The following RNASEH2B variants were observed in gnomAD, a reference collection of about 807,000 sequenced individuals.
RNASEH2B encodes Aicardi-Goutieres syndrome 2 protein.
Under a neutral mutation model 45.0 loss-of-function variants are expected in RNASEH2B, and 36 were observed. The ratio of observed to expected loss-of-function variants is 0.80; its 90% CI spans 0.61 to 1.06. RNASEH2B has a LOEUF of 1.06. RNASEH2B is among the 50% of genes least tolerant of loss of function. RNASEH2B has a pLI of 0.00. For synonymous variants in RNASEH2B, 119 were observed against 125.7 expected, an observed-to-expected ratio of 0.95 and a Z score of 0.35; for missense variants, 361 against 360.3, an observed-to-expected ratio of 1.00 and a Z score of -0.02.
At chr13:50,915,586 A>G (rs1442576001) in intron 1 of RNASEH2B, 1 of 397,664 alleles carries the variant, frequency 2.5e-6, no homozygotes, top group Non-Finnish European at 4.4e-6. Flanking sequence ...AGCTAGAGAG[A>G]GTCCAAGTGT....
Position 50,910,031 on chromosome 13 carries a change from A to G in RNASEH2B, c.-46A>G. ...CATTTTCGGCGGGGCTGGGAGACTG[A>G]GGCCCGCGGCGCTGAGCCTGCGGCG... On this transcript the variant is annotated 5_prime_UTR_variant, in exon 1 of 11. Transcript: ENST00000336617. 1 of 1,445,306 alleles carries G rather than the reference A, an allele frequency of 6.9e-7. No individual in the cohort carries two copies. The highest frequency in any genetic ancestry group is 1.3e-5 in the South Asian group (1 of 75,978). The allele number at this position is 1,445,306 out of a possible 1,614,324, so 89.5% of individuals were successfully genotyped here. A position where few individuals can be genotyped will look rare whatever the true frequency, so the allele number is the denominator to read the frequency against.
At chr13:50,937,823 A>C (rs550731838) in intron 5 of RNASEH2B, 1 of 152,366 alleles carries the variant, frequency 6.6e-6, no homozygotes, top group African/African-American at 2.4e-5. Context: ...TGGCAAACTT[A>C]AACAGCTAAC....
chr13:50,919,015 G>A (rs1242262546), intron 1 of RNASEH2B, among the ~76,000 whole-genome samples: 1 of 152,206 alleles, frequency 6.6e-6, no homozygotes, highest in African/African-American at 2.4e-5. Context: ...CCATGTAACA[G>A]TGGGTGTATG....
intron 1 of RNASEH2B, among the ~76,000 whole-genome samples, chr13:50,918,328 G>A (rs770360036): frequency 1.3e-5 from 2 of 152,078 alleles, no homozygotes; most frequent in African/African-American, 2.4e-5. Context: ...TAGTAGACAC[G>A]GGGTTTCACT....
chr13:50,947,954 T>G, intron 7 of RNASEH2B, 33 bp from the exon 8 acceptor site: 10 of 1,605,698 alleles, frequency 6.2e-6, no homozygotes, highest in Non-Finnish European at 8.5e-6. Flanking sequence ...TATTTTTTTT[T>G]TTTGCTTTCA....
At chr13:50,965,476 T>G (rs1457757777) in intron 9 of RNASEH2B, among the ~76,000 whole-genome samples, 1 of 152,212 alleles carries the variant, frequency 6.6e-6, no homozygotes, top group Non-Finnish European at 1.5e-5. Context: ...ACAGTAGACC[T>G]TCAACAGATG....
At chr13:50,919,353 C>T (rs1282514523) in intron 1 of RNASEH2B, among the ~76,000 whole-genome samples, 1 of 152,162 alleles carries the variant, frequency 6.6e-6, no homozygotes, top group Non-Finnish European at 1.5e-5. Context: ...TGCATTAATA[C>T]GTGCTGTGTA....
chr13:50,925,591 T>C (rs553745000), intron 1 of RNASEH2B, among the ~76,000 whole-genome samples: 1 of 152,318 alleles, frequency 6.6e-6, no homozygotes, highest in African/African-American at 2.4e-5. Flanking sequence ...AAGGACCCTT[T>C]TGAGTACTAT....
intron 1 of RNASEH2B, among the ~76,000 whole-genome samples, chr13:50,925,633 A>G (rs1371428078): frequency 6.6e-6 from 1 of 152,180 alleles, no homozygotes; most frequent in East Asian, 1.9e-4. Context: ...GAGGTTTTAC[A>G]GTCTGTCTGG....
chr13:50,919,112 C>T (rs547346638), intron 1 of RNASEH2B, among the ~76,000 whole-genome samples: 1 of 152,172 alleles, frequency 6.6e-6, no homozygotes, highest in Admixed American at 6.5e-5. Context: ...GAACAATTGG[C>T]AAAAATCACT....
chr13:50,927,597 TGAG>T (rs1951617740), intron 2 of RNASEH2B, 119 bp downstream of exon 2: 2 of 725,306 alleles, frequency 2.8e-6, no homozygotes, highest in Non-Finnish European at 2.5e-6. Context: ...GATGGCACCG[TGAG>T]GAGAAGAAAA....
rs1004925162 is a variant in RNASEH2B, at chr13:50,910,036, C to A, written c.-41C>A. On this transcript the variant is annotated 5_prime_UTR_variant, in exon 1 of 11. Transcript: ENST00000336617. Reference sequence around the variant, plus strand: ...TCGGCGGGGCTGGGAGACTGAGGCCCGCGGCGCTGAGCCTGCGGCGCCCCG... The same window carrying A: ...TCGGCGGGGCTGGGAGACTGAGGCCAGCGGCGCTGAGCCTGCGGCGCCCCG... The A allele has an allele frequency of 1.0e-5, 15 of 1,458,756 alleles. No individual in the cohort carries two copies. Among genetic ancestry groups the A allele is most frequent in the Non-Finnish European group, 1.3e-5 (14 of 1,106,178 alleles). 90.4% of individuals were successfully genotyped at this position (1,458,756 alleles called of 1,614,324 possible).
chr13:50,920,219 A>G (rs1450427764), intron 1 of RNASEH2B, among the ~76,000 whole-genome samples: 1 of 151,916 alleles, frequency 6.6e-6, no homozygotes, highest in Non-Finnish European at 1.5e-5. Context: ...TAATTTTTGT[A>G]TTTTTAGTAG....
intron 9 of RNASEH2B, chr13:50,950,111 T>G (rs957606529): frequency 4.6e-5 from 7 of 152,600 alleles, no homozygotes; most frequent in African/African-American, 1.7e-4. Flanking sequence ...CACACCTGAC[T>G]GCAAATTGCA....
chr13:50,935,211 G>A (rs1405683955), intron 5 of RNASEH2B: 3 of 564,182 alleles, frequency 5.3e-6, no homozygotes, highest in East Asian at 6.0e-5. Flanking sequence ...TAGGGCCTAC[G>A]TCCACAGGGC....
intron 9 of RNASEH2B, among the ~76,000 whole-genome samples, chr13:50,965,605 C>A (rs1952157573): frequency 6.6e-6 from 1 of 152,314 alleles, no homozygotes; most frequent in Non-Finnish European, 1.5e-5. Flanking sequence ...AAACCTTGAA[C>A]TTCAAGAGTC....
Position 50,945,510 on chromosome 13 carries a change from C to T in RNASEH2B, c.594C>T (p.Asp198=). 6.2e-7 allele frequency: 1 copy of T among 1,612,834 alleles called. No individual in the cohort carries two copies. The highest frequency in any genetic ancestry group is 8.5e-7 in the Non-Finnish European group (1 of 1,178,886). The part of the protein sequence containing the change: ...RVQSTAFFSG[D]QASTDKEEDY... ...AGTCAACTGCATTTTTCTCTGGTGA[C>T]CAAGCTTCCACTGACAAGGAAGGTA... Residue 198 remains aspartate, a synonymous_variant, in exon 7 of 11, where the codon GAC becomes GAT. Transcript: ENST00000336617.
At chr13:50,947,442 T>C (rs1951915691) in intron 7 of RNASEH2B, among the ~76,000 whole-genome samples, 1 of 151,362 alleles carries the variant, frequency 6.6e-6, no homozygotes, top group Non-Finnish European at 1.5e-5. Flanking sequence ...ACTATGTATA[T>C]AGAACAATAT....
At chr13:50,920,257 C>T (rs1434125635) in intron 1 of RNASEH2B, among the ~76,000 whole-genome samples, 1 of 152,180 alleles carries the variant, frequency 6.6e-6, no homozygotes, top group Admixed American at 6.5e-5. Flanking sequence ...GTTGGCCGGG[C>T]TGGTCTCTAA....
Sources: allele counts gnomAD v4.1 joint callset (sites outside exome capture counted in the v4.1 genomes callset), GRCh38; gene constraint gnomAD v4.1.1; transcripts MANE v1.5; gene names NCBI Gene and HGNC (gene_info 2026-07-23, HGNC 2026-07-21).